Variants in TENM1 observed in about 807,000 individuals in gnomAD.
The protein encoded by TENM1 is teneurin transmembrane protein 1.
A neutral mutation model predicts 174.8 loss-of-function variants in TENM1; 35 were observed. The observed-to-expected ratio is 0.20, with a 90% CI of 0.15 to 0.27. The LOEUF is 0.27. TENM1 is among the 10% of genes least tolerant of loss of function. The pLI is 1.00. For missense variants in TENM1, 1,633 were observed against 2,130.1 expected, an observed-to-expected ratio of 0.77 and a Z score of 4.59; for synonymous variants, 781 against 798.7, an observed-to-expected ratio of 0.98 and a Z score of 0.37.
intron 3 of TENM1, among the ~76,000 whole-genome samples, chrX:124,809,844 G>GA (rs1491105022): frequency 1.2e-3 from 5 of 4,203 alleles, no homozygotes; most frequent in African/African-American, 8.6e-3. Context: ...ATGACAGCAG[G>GA]AGAGAGAGAG....
At chrX:124,655,193 C>A (rs909936046) in intron 6 of TENM1, among the ~76,000 whole-genome samples, 4 of 111,384 alleles carry the variant, frequency 3.6e-5, no homozygotes, top group Non-Finnish European at 5.7e-5. Flanking sequence ...AAGCTAACCC[C>A]GTGATTGTGA....
intron 28 of TENM1, among the ~76,000 whole-genome samples, chrX:124,386,768 G>A (rs993314564): frequency 9.1e-6 from 1 of 109,747 alleles, no homozygotes; most frequent in African/African-American, 3.3e-5. Context: ...AGGCTGGAGT[G>A]CAGTGGTGTA....
chrX:124,705,148 G>C lies in TENM1; in HGVS notation c.880C>G (p.Pro294Ala), dbSNP rs138121113. 6.1e-5 allele frequency: 74 copies of C among 1,209,413 alleles called. No homozygotes were observed. Among genetic ancestry groups the C allele is most frequent in the Non-Finnish European group, 8.0e-5 (72 of 894,882 alleles). The stretch of plus-strand genomic sequence containing the variant: ...CGGGAAAAGGTGCTTCGAGGAAGAG[G>C]CCTGGGAGGGGGCGAGTACACGGTA... Residue 294 changes from proline (P) to alanine (A), a missense_variant, in exon 5 of 32, where the codon CCT becomes GCT. Pro to Ala is a conservative substitution (Grantham distance 27). This residue lies in a region of TENM1 where 305 missense variants were observed against 309.2 expected (regional missense o/e 0.99). Coordinates refer to ENST00000422452, the Ensembl canonical transcript of TENM1.
chrX:125,063,200 T>A, the TENM1 span, among the ~76,000 whole-genome samples: 2 of 112,169 alleles, frequency 1.8e-5, no homozygotes, highest in Non-Finnish European at 3.8e-5. Flanking sequence ...TAACACATTA[T>A]AATTTCAGAG....
intron 5 of TENM1, among the ~76,000 whole-genome samples, chrX:124,692,235 G>A (rs1210858906): frequency 1.8e-5 from 2 of 111,215 alleles, no homozygotes; most frequent in East Asian, 2.8e-4. Context: ...GCTAAACATT[G>A]AGTACACATG....
intron 3 of TENM1, among the ~76,000 whole-genome samples, chrX:124,826,052 G>C (rs1223519622): frequency 2.7e-5 from 3 of 111,174 alleles, no homozygotes; most frequent in Non-Finnish European, 5.7e-5. Flanking sequence ...TTTACTGCTG[G>C]AAGCTCTACT....
At position 124,665,220 on chromosome X, in the gene TENM1, A is replaced by G. The variant is rs746855017; in HGVS notation, c.1168+6463T>C. ...CCTGGCATGGTGGCACATGCCTCTA[A>G]TCCTAGCTACTCGGGAGGCTGAGGC... On this transcript the variant is annotated intron_variant, in intron 6 of 31. Coordinates refer to ENST00000422452, the Ensembl canonical transcript of TENM1. Among the ~76,000 whole-genome samples the G allele has an allele frequency of 1.3e-4, 14 of 111,314 alleles. No homozygotes were observed. In the South Asian group the frequency reaches 5.4e-3, roughly 43 times the overall value.
intron 3 of TENM1, among the ~76,000 whole-genome samples, chrX:124,792,858 A>G (rs1381623966): frequency 8.9e-6 from 1 of 112,400 alleles, no homozygotes; most frequent in Non-Finnish European, 1.9e-5. Context: ...TACACATTTC[A>G]GTCAATTAAA....
chrX:124,979,799 T>C, the TENM1 span, among the ~76,000 whole-genome samples: 1 of 111,280 alleles, frequency 9.0e-6, no homozygotes, highest in Non-Finnish European at 1.9e-5. Context: ...AAGGGAAATA[T>C]GAGGATCATA....
intron 1 of TENM1, among the ~76,000 whole-genome samples, chrX:124,954,866 G>A (rs139772699): frequency 0.016 from 1,781 of 111,556 alleles, 35 homozygotes; most frequent in African/African-American, 0.053. Flanking sequence ...TTTTGGCCTC[G>A]TCAAAAACTT....
intron 3 of TENM1, among the ~76,000 whole-genome samples, chrX:124,841,621 T>TA (rs761346749): frequency 0.07 from 5,796 of 83,053 alleles, 186 homozygotes; most frequent in South Asian, 0.12. Context: ...TGTGAATGAT[T>TA]AAAAAAAAAA....
chrX:124,659,240 C>T (rs2051528951), intron 6 of TENM1, among the ~76,000 whole-genome samples: 1 of 111,673 alleles, frequency 9.0e-6, no homozygotes, highest in Admixed American at 9.5e-5. Context: ...TACTCAGACT[C>T]ATGGGTCAAG....
rs753327338 is a variant in TENM1, at chrX:124,406,859, G to A, written c.4983-370C>T. ...GTGATGGATTACAAAACCCAGCAGA[G>A]GGTGCTGTTGTCAAAGCAAAAGAAG... On this transcript the variant is annotated intron_variant, in intron 25 of 31. Transcript: ENST00000422452. Among the ~76,000 whole-genome samples the A allele has an allele frequency of 3.6e-5, 4 of 111,583 alleles. No individual in the cohort carries two copies. In the South Asian group the frequency reaches 1.1e-3, roughly 32 times the overall value.
chrX:124,916,893 C>T (rs1020315116), intron 1 of TENM1, among the ~76,000 whole-genome samples: 3 of 110,307 alleles, frequency 2.7e-5, no homozygotes, highest in African/African-American at 9.9e-5. Flanking sequence ...GCCTTCAGAA[C>T]CGTGAGCCAA....
At chrX:125,193,333 G>A in the TENM1 span, among the ~76,000 whole-genome samples, 3 of 112,287 alleles carry the variant, frequency 2.7e-5, no homozygotes, top group South Asian at 1.1e-3. Flanking sequence ...TGAATTTGCT[G>A]CACAGCAAGT....
intron 1 of TENM1, among the ~76,000 whole-genome samples, chrX:124,947,557 C>G (rs955155531): frequency 1.8e-5 from 2 of 112,102 alleles, no homozygotes; most frequent in African/African-American, 6.5e-5. Context: ...ATGCTTAACA[C>G]AGTGTCTGAC....
At chrX:124,987,701 TTG>T in the TENM1 span, among the ~76,000 whole-genome samples, 7,195 of 91,134 alleles carry the variant, frequency 0.079, 272 homozygotes, top group Middle Eastern at 0.13. Context: ...GTTCTGCATT[TTG>T]TGTGTGTGTG....
chrX:124,547,573 T>C (rs777803716), intron 14 of TENM1, among the ~76,000 whole-genome samples: 3 of 112,124 alleles, frequency 2.7e-5, no homozygotes, highest in African/African-American at 6.5e-5. Flanking sequence ...ATGCTCAAAA[T>C]AGAGGTTGGG....
chrX:125,159,063 A>G, the TENM1 span, among the ~76,000 whole-genome samples: 1 of 111,589 alleles, frequency 9.0e-6, no homozygotes, highest in Non-Finnish European at 1.9e-5. Context: ...CTGAGACACA[A>G]AAGAGGTACA....
Sources: allele counts gnomAD v4.1 joint callset (sites outside exome capture counted in the v4.1 genomes callset), GRCh38; gene constraint gnomAD v4.1.1; regional missense constraint gnomAD v4.1.1; transcripts MANE v1.5; gene names NCBI Gene and HGNC (gene_info 2026-07-23, HGNC 2026-07-21).